SLC25A48: variants seen among roughly 807,000 people sequenced by gnomAD.
SLC25A48 encodes the protein solute carrier family 25 member 48.
SLC25A48 carries 29 observed loss-of-function variants against 32.2 expected under a neutral mutation model. That is an observed-to-expected ratio of 0.90 (90% CI 0.67 to 1.23). SLC25A48 has a LOEUF of 1.23. Among genes scored for constraint, SLC25A48 ranks in the 50% most tolerant of loss-of-function variants. The pLI, the probability that SLC25A48 is intolerant of heterozygous loss-of-function variation, is 0.00. For missense variants in SLC25A48, 399 were observed against 422.7 expected, an observed-to-expected ratio of 0.94 and a Z score of 0.49; for synonymous variants, 164 against 172.3, an observed-to-expected ratio of 0.95 and a Z score of 0.38.
intron 3 of SLC25A48, among the ~76,000 whole-genome samples, chr5:135,801,219 A>G (rs1480377935): frequency 6.7e-6 from 1 of 150,366 alleles, no homozygotes; most frequent in Non-Finnish European, 1.5e-5. Flanking sequence ...ATTACTCCCA[A>G]TATCACAAGG....
intron 3 of SLC25A48, among the ~76,000 whole-genome samples, chr5:135,675,916 C>T (rs963716764): frequency 1.3e-5 from 2 of 151,986 alleles, no homozygotes; most frequent in African/African-American, 4.8e-5. Context: ...TGATCTTTCA[C>T]TTCCTTGGTT....
At chr5:135,674,466 T>C (rs187664287) in intron 3 of SLC25A48, among the ~76,000 whole-genome samples, 132 of 152,188 alleles carry the variant, frequency 8.7e-4, no homozygotes, top group African/African-American at 2.8e-3. Flanking sequence ...CTCTGGTATC[T>C]ATCACTCTAT....
chr5:135,690,667 C>T (rs1387710070), intron 3 of SLC25A48, among the ~76,000 whole-genome samples: 1 of 152,156 alleles, frequency 6.6e-6, no homozygotes, highest in African/African-American at 2.4e-5. Flanking sequence ...GGCCACCCGC[C>T]CCTCCCCATG....
At chr5:135,729,529 A>G (rs1184654410) in intron 3 of SLC25A48, among the ~76,000 whole-genome samples, 2 of 152,216 alleles carry the variant, frequency 1.3e-5, no homozygotes, top group Non-Finnish European at 2.9e-5. Context: ...GTCATCTGTA[A>G]GTTGTCAGCC....
At chr5:135,601,536 T>C (rs1399949702) in intron 1 of SLC25A48, among the ~76,000 whole-genome samples, 1 of 152,148 alleles carries the variant, frequency 6.6e-6, no homozygotes, top group African/African-American at 2.4e-5. Context: ...AAAGTGTCAC[T>C]CTCCCCTCTC....
At chr5:135,802,145 T>A (rs531900069) in intron 3 of SLC25A48, among the ~76,000 whole-genome samples, 1 of 150,496 alleles carries the variant, frequency 6.6e-6, no homozygotes, top group South Asian at 2.1e-4. Context: ...ACGGAGATAT[T>A]ACTCCTAATA....
chr5:135,815,185 G>T (rs1179065547), intron 4 of SLC25A48, among the ~76,000 whole-genome samples: 1 of 152,186 alleles, frequency 6.6e-6, no homozygotes, highest in Non-Finnish European at 1.5e-5. Context: ...AACCAGTTTG[G>T]TGGAAGACCA....
chr5:135,765,732 G>T (rs561976779), intron 3 of SLC25A48, among the ~76,000 whole-genome samples: 6 of 151,684 alleles, frequency 4.0e-5, no homozygotes, highest in South Asian at 2.1e-4. Context: ...ATCACAGAGG[G>T]TGTACACCTA....
intron 3 of SLC25A48, among the ~76,000 whole-genome samples, chr5:135,708,124 T>C (rs544879688): frequency 2.0e-5 from 3 of 152,150 alleles, no homozygotes; most frequent in Non-Finnish European, 2.9e-5. Flanking sequence ...GGGCCTGGGA[T>C]AGGGATATAG....
intron 3 of SLC25A48, among the ~76,000 whole-genome samples, chr5:135,702,848 C>T (rs528637360): frequency 6.6e-6 from 1 of 152,334 alleles, no homozygotes; most frequent in African/African-American, 2.4e-5. Flanking sequence ...CTTCCGGGAG[C>T]ACCCTTTGAG....
chr5:135,602,535 T>G (rs750151874), intron 1 of SLC25A48, among the ~76,000 whole-genome samples: 3 of 152,234 alleles, frequency 2.0e-5, no homozygotes, highest in Non-Finnish European at 4.4e-5. Flanking sequence ...TGTGTGTTTA[T>G]TTTCTTATTG....
intron 3 of SLC25A48, among the ~76,000 whole-genome samples, chr5:135,656,417 T>G (rs1042815174): frequency 6.6e-6 from 1 of 152,212 alleles, no homozygotes; most frequent in African/African-American, 2.4e-5. Context: ...CCCTGGGTCC[T>G]GGGTCCTGGT....
At position 135,765,073 on chromosome 5, in the gene SLC25A48, G is replaced by T. The variant is rs77836105; in HGVS notation, c.-520-47450G>T. ...ATATGGTTCGTAATATCCAGGGGGA[G>T]AAAGGGTGATATTACTCCCTATATC... On this transcript the variant is annotated intron_variant, in intron 3 of 10. Transcript: ENST00000646290. 6.6e-3 allele frequency among the ~76,000 whole-genome samples: 999 copies of T among 151,574 alleles called. 8 individuals carry two copies. The highest frequency in any genetic ancestry group is 0.023 in the African/African-American group (934 of 41,322).
intron 3 of SLC25A48, among the ~76,000 whole-genome samples, chr5:135,635,235 G>C (rs1554117691): frequency 6.6e-6 from 1 of 152,214 alleles, no homozygotes; most frequent in Non-Finnish European, 1.5e-5. Flanking sequence ...ACATTCTCCT[G>C]CCACAGATCA....
At chr5:135,723,182 G>T (rs940368166) in intron 3 of SLC25A48, among the ~76,000 whole-genome samples, 2 of 152,114 alleles carry the variant, frequency 1.3e-5, no homozygotes, top group African/African-American at 4.8e-5. Flanking sequence ...CTATGTATTT[G>T]CTCTTAAGTC....
chr5:135,792,624 TG>T (rs2126634420), intron 3 of SLC25A48, among the ~76,000 whole-genome samples: 1 of 151,930 alleles, frequency 6.6e-6, no homozygotes, highest in African/African-American at 2.4e-5. Flanking sequence ...TGTACGTCTT[TG>T]GATATTATTC....
At chr5:135,703,474 C>G (rs574627058) in intron 3 of SLC25A48, among the ~76,000 whole-genome samples, 2 of 152,328 alleles carry the variant, frequency 1.3e-5, no homozygotes, top group East Asian at 3.9e-4. Flanking sequence ...CCGCACCTGG[C>G]CCTGCCATGT....
intron 3 of SLC25A48, among the ~76,000 whole-genome samples, chr5:135,659,973 G>A (rs540829483): frequency 1.1e-4 from 17 of 152,192 alleles, no homozygotes; most frequent in Non-Finnish European, 2.2e-4. Flanking sequence ...ATTTGGGTGG[G>A]GACACAGAGG....
At chr5:135,646,661 A>G (rs1370851499) in intron 3 of SLC25A48, among the ~76,000 whole-genome samples, 1 of 32,882 alleles carries the variant, frequency 3.0e-5, no homozygotes, top group Non-Finnish European at 7.1e-5. Context: ...ATTTCCCATT[A>G]TATATATATA....
Sources: allele counts gnomAD v4.1 joint callset (sites outside exome capture counted in the v4.1 genomes callset), GRCh38; gene constraint gnomAD v4.1.1; transcripts MANE v1.5; gene names NCBI Gene and HGNC (gene_info 2026-07-23, HGNC 2026-07-21).